Variants in USP7 observed in about 807,000 individuals in gnomAD.
The protein encoded by USP7 is ubiquitin specific peptidase 7, also known as ubiquitin C-terminal hydrolase 7.
A neutral mutation model predicts 162.9 loss-of-function variants in USP7; 9 were observed. The observed-to-expected ratio is 0.06, with a 90% CI of 0.03 to 0.10. The LOEUF is 0.10. USP7 is among the 10% of genes least tolerant of loss of function. The probability of loss-of-function intolerance (pLI) is 1.00; values close to 1 mark genes in which losing one functional copy is unlikely to be tolerated. For synonymous variants in USP7, 562 were observed against 475.9 expected (o/e 1.18, Z -2.35); for missense variants, 715 against 1,373.7 (o/e 0.52, Z 7.58).
chr16:8,957,061 G>T (rs1411828816), intron 1 of USP7, among the ~76,000 whole-genome samples: 1 of 152,190 alleles, frequency 6.6e-6, no homozygotes, highest in African/African-American at 2.4e-5. Flanking sequence ...TCAGGTTGGT[G>T]TATTTCCCCA....
chr16:8,950,591 G>C (rs886837690), intron 1 of USP7, among the ~76,000 whole-genome samples: 2 of 152,204 alleles, frequency 1.3e-5, no homozygotes, highest in Non-Finnish European at 2.9e-5. Context: ...ATTTCCCACA[G>C]GACTGGGCGC....
At chr16:8,937,212 TTA>T (rs1491274955) in intron 1 of USP7, among the ~76,000 whole-genome samples, 7 of 149,730 alleles carry the variant, frequency 4.7e-5, no homozygotes, top group Non-Finnish European at 3.0e-5. Context: ...CTGTCTTTTT[TTA>T]AAAAAAAAAG....
intron 20 of USP7, 85 bp downstream of exon 20, chr16:8,900,905 A>G (rs1221394023): frequency 7.2e-7 from 1 of 1,398,602 alleles, no homozygotes; most frequent in Non-Finnish European, 9.9e-7. Context: ...CTAACACTGT[A>G]ACAAATTCGG....
chr16:8,911,376 A>C (rs2061943865), intron 10 of USP7, among the ~76,000 whole-genome samples: 1 of 152,214 alleles, frequency 6.6e-6, no homozygotes, highest in South Asian at 2.1e-4. Flanking sequence ...ACAAGGACAC[A>C]CTATTTCCCT....
At chr16:8,907,544 A>G (rs1202082806) in intron 12 of USP7, among the ~76,000 whole-genome samples, 1 of 152,216 alleles carries the variant, frequency 6.6e-6, no homozygotes, top group Admixed American at 6.5e-5. Context: ...TCCTGCATCT[A>G]CTATTTTAAC....
Position 8,894,069 on chromosome 16 carries a change from C to T in USP7, c.3238G>A (p.Asp1080Asn). The stretch of plus-strand genomic sequence containing the variant: ...CTCTTTGGGGCTTTGTTGAAGTGGT[C>T]GAGCCCTAGCCAAGGCCGAGGATGA... ...MSHPRPWLGLDHFNKAPKRSR... is the reference protein window; with the variant it reads ...MSHPRPWLGLNHFNKAPKRSR... The change falls in exon 31 of 31, where the codon GAC (aspartate) becomes AAC (asparagine). Residue 1080 changes from aspartate (D) to asparagine (N), a missense_variant. Physicochemically the swap from Asp to Asn is conservative, Grantham distance 23. Coordinates refer to ENST00000344836, the MANE Select transcript of USP7 (RefSeq NM_003470.3). 1 of 1,614,108 alleles carries T rather than the reference C, an allele frequency of 6.2e-7. No individual in the cohort carries two copies. The highest frequency in any genetic ancestry group is 8.5e-7 in the Non-Finnish European group (1 of 1,180,010).
intron 15 of USP7, among the ~76,000 whole-genome samples, chr16:8,904,038 T>A (rs2061820718): frequency 6.6e-6 from 1 of 152,108 alleles, no homozygotes; most frequent in Non-Finnish European, 1.5e-5. Flanking sequence ...CTTAATCACT[T>A]CTCTGTCTGG....
rs551858285 is a variant in USP7 at position 8,915,576 on chromosome 16, T to C, written c.907-51A>G. The C allele has an allele frequency of 4.1e-6, 6 of 1,455,346 alleles. No homozygotes were observed. In the Admixed American group the frequency reaches 5.4e-5, roughly 13 times the overall value. 90.2% of individuals were successfully genotyped at this position (1,455,346 alleles called of 1,614,324 possible). ...AAAAACTTTTTTGTACTTAGTAATA[T>C]ATACAGTAATTTTATAATTGACTAG... is the stretch of plus-strand genomic sequence containing the variant. On this transcript the variant is annotated intron_variant, in intron 8 of 30. Coordinates refer to ENST00000344836, the MANE Select transcript of USP7 (RefSeq NM_003470.3).
rs1237278744 is a variant in USP7 at position 8,894,823 on chromosome 16, G to A, written c.3072C>T (p.Ile1024=). 1.2e-6 allele frequency: 2 copies of A among 1,614,192 alleles called. No homozygotes were observed. Among genetic ancestry groups the A allele is most frequent in the East Asian group, 4.5e-5 (2 of 44,872 alleles). ...TCTCCTGGATGTCCAGCAGGCTCTG[G>A]ATTCGCTTCATCACTTCTCGAAAAT... ...GEHFREVMKR[I]QSLLDIQEKE... is the part of the protein sequence containing the mutation. The change falls in exon 29 of 31, where the codon ATC becomes ATT. Residue 1024 remains isoleucine (I), a synonymous_variant. Coordinates refer to ENST00000344836, the MANE Select transcript of USP7 (RefSeq NM_003470.3).
intron 1 of USP7, among the ~76,000 whole-genome samples, chr16:8,937,535 C>CT (rs1452003959): frequency 6.6e-6 from 1 of 151,998 alleles, no homozygotes; most frequent in African/African-American, 2.4e-5. Context: ...GAGTAAAACT[C>CT]TGTCTCAAAA....
intron 20 of USP7, 44 bp downstream of exon 20, chr16:8,900,946 A>G: frequency 6.3e-7 from 1 of 1,591,976 alleles, no homozygotes; most frequent in Non-Finnish European, 8.6e-7. Context: ...CCCTCCACAA[A>G]CTACTAAGAA....
chr16:8,898,289 G>A (rs1039006103), intron 25 of USP7, 71 bp downstream of exon 25: 95 of 1,274,014 alleles, frequency 7.5e-5, no homozygotes, highest in Non-Finnish European at 9.9e-5. Flanking sequence ...AGTTTTCAAT[G>A]TCTGGGGACA....
intron 2 of USP7, among the ~76,000 whole-genome samples, chr16:8,929,861 A>T (rs1898220034): frequency 6.6e-6 from 1 of 152,220 alleles, no homozygotes; most frequent in Non-Finnish European, 1.5e-5. Flanking sequence ...TTCATCCCTA[A>T]CAGGAGCGGG....
chr16:8,916,436 A>G, intron 8 of USP7, 66 bp downstream of exon 8: 1 of 1,515,778 alleles, frequency 6.6e-7, no homozygotes, highest in East Asian at 2.3e-5. Context: ...TTTACTTGGT[A>G]ATAACTTCTG....
At chr16:8,910,098 A>C (rs994793195) in intron 11 of USP7, among the ~76,000 whole-genome samples, 4 of 152,204 alleles carry the variant, frequency 2.6e-5, no homozygotes, top group African/African-American at 9.7e-5. Flanking sequence ...ATTTTTAATT[A>C]TAAATTAGTT....
chr16:8,960,421 C>G (rs1315645831), intron 1 of USP7, among the ~76,000 whole-genome samples: 6 of 152,216 alleles, frequency 3.9e-5, no homozygotes, highest in Admixed American at 3.9e-4. Context: ...AGAGTTCACT[C>G]AAAAGCAAAT....
At chr16:8,941,782 G>T (rs1021957356) in intron 1 of USP7, among the ~76,000 whole-genome samples, 1 of 152,172 alleles carries the variant, frequency 6.6e-6, no homozygotes, top group African/African-American at 2.4e-5. Flanking sequence ...TGAGACCACC[G>T]GCCAGCCACT....
chr16:8,954,792 C>G (rs758220773), intron 1 of USP7, among the ~76,000 whole-genome samples: 4 of 152,020 alleles, frequency 2.6e-5, no homozygotes, highest in Non-Finnish European at 5.9e-5. Context: ...AACCCCCCCT[C>G]TACTAAAGAT....
intron 23 of USP7, 71 bp from the exon 24 acceptor site, chr16:8,898,710 A>G: frequency 1.5e-6 from 2 of 1,295,794 alleles, no homozygotes; most frequent in South Asian, 1.4e-5. Context: ...GTGAGTGAGC[A>G]TAAAAGCAAA....
Sources: allele counts gnomAD v4.1 joint callset (sites outside exome capture counted in the v4.1 genomes callset), GRCh38; gene constraint gnomAD v4.1.1; transcripts MANE v1.5; gene names NCBI Gene and HGNC (gene_info 2026-07-23, HGNC 2026-07-21).